Variants in COL18A1 observed in about 807,000 individuals in gnomAD.
COL18A1 encodes collagen alpha-1(XVIII) chain.
Under a neutral mutation model 168.0 loss-of-function variants are expected in COL18A1, and 133 were observed. That is an observed-to-expected ratio of 0.79 (90% confidence interval 0.69 to 0.91). The LOEUF is 0.91. Among genes scored for constraint, COL18A1 ranks in the 40% least tolerant of loss-of-function variants. COL18A1 has a pLI of 0.00. For missense variants in COL18A1, 2,126 were observed against 1,925.4 expected (o/e 1.10, Z -1.95); for synonymous variants, 949 against 809.0 (o/e 1.17, Z -2.94).
rs144281842 is a variant in COL18A1 at position 45,468,631 on chromosome 21, G to A, written c.496G>A (p.Ala166Thr). 3,841 of 1,614,044 alleles carry A rather than the reference G, an allele frequency of 2.4e-3. 5 individuals carry two copies. Among genetic ancestry groups the A allele is most frequent in the Non-Finnish European group, 3.0e-3 (3,582 of 1,180,036 alleles). ...CTTCGTCGGCCAGTGGACACACTTA[G>A]CCCTCAGTGTGGCAGGTGGCTTTGT... ...PAFVGQWTHL[A>T]LSVAGGFVAL... is the part of the protein sequence containing the mutation. The change falls in exon 3 of 42, where the codon GCC (alanine) becomes ACC (threonine). Residue 166 changes from alanine to threonine, a missense_variant. Transcript: ENST00000651438.
intron 2 of COL18A1, among the ~76,000 whole-genome samples, chr21:45,410,432 A>C (rs2033255459): frequency 6.8e-6 from 1 of 147,764 alleles, no homozygotes; most frequent in Non-Finnish European, 1.5e-5. Context: ...TCAAGGGCTG[A>C]CCCTGCGGGG....
rs151319760 is a variant in COL18A1 at position 45,482,299 on chromosome 21, G to A, written c.1674+274G>A. ...CTGAGATCTTACTCCAAGCTTCCACGTTGGTTACGGGGCAGTGGCCATGAG... is the reference window on the plus strand; with the variant it reads ...CTGAGATCTTACTCCAAGCTTCCACATTGGTTACGGGGCAGTGGCCATGAG... On this transcript the variant is annotated intron_variant, in intron 14 of 41. Transcript: ENST00000651438. The A allele has an allele frequency of 3.7e-4, 243 of 663,714 alleles. 2 individuals carry two copies. The East Asian group carries it at 5.9e-3, about 16-fold the overall frequency. 41.1% of individuals were successfully genotyped at this position (663,714 alleles called of 1,614,324 possible).
At chr21:45,509,242 C>T (rs2146118292) in intron 38 of COL18A1, 114 bp from the exon 39 acceptor site, 1 of 1,423,174 alleles carries the variant, frequency 7.0e-7, no homozygotes, top group Non-Finnish European at 9.4e-7. Flanking sequence ...GCGCAGCTCC[C>T]TGCTTGCCAG....
rs1461211805 is a variant in COL18A1, at chr21:45,498,740, A to C, written c.2683+1079A>C. ...AATGATGCACAGATGACCAGAAACC[A>C]GGAGAAGAGGCCAGTGACACACCAG... is the stretch of plus-strand genomic sequence containing the variant. On this transcript the variant is annotated intron_variant, in intron 32 of 41. Coordinates refer to ENST00000651438, the MANE Select transcript of COL18A1 (RefSeq NM_001379500.1). This position sits in a 1 kb window ranked among gnomAD's most constrained non-coding sequence, Gnocchi z 4.5. 1 of 611,210 alleles carries C rather than the reference A, an allele frequency of 1.6e-6. No homozygotes were observed. Among genetic ancestry groups the C allele is most frequent in the East Asian group, 2.7e-5 (1 of 36,466 alleles). 37.9% of individuals were successfully genotyped at this position (611,210 alleles called of 1,614,324 possible).
chr21:45,410,421 G>A lies in COL18A1; in HGVS notation c.106+4948G>A, dbSNP rs976930964. On this transcript the variant is annotated intron_variant, in intron 2 of 41. Coordinates refer to ENST00000651438, the MANE Select transcript of COL18A1 (RefSeq NM_001379500.1). The stretch of plus-strand genomic sequence containing the variant: ...TGCTGGGGCCGGGCACTGGTGGGGG[G>A]TCAAGGGCTGACCCTGCGGGGACCC... Among the ~76,000 whole-genome samples the A allele has an allele frequency of 1.7e-4, 4 of 23,586 alleles. No homozygotes were observed. In the South Asian group the frequency reaches 0.01, roughly 59 times the overall value. 15.5% of individuals were successfully genotyped at this position (23,586 alleles called of 152,430 possible).
At chr21:45,418,825 C>T (rs2033533212) in intron 2 of COL18A1, among the ~76,000 whole-genome samples, 1 of 150,244 alleles carries the variant, frequency 6.7e-6, no homozygotes, top group Non-Finnish European at 1.5e-5. Context: ...CCTCCTGTGC[C>T]TGCGGCCCTG....
At chr21:45,405,707 G>A (rs1045781902) in intron 2 of COL18A1, among the ~76,000 whole-genome samples, 3 of 149,916 alleles carry the variant, frequency 2.0e-5, no homozygotes, top group African/African-American at 7.3e-5. Flanking sequence ...CGGTGCGAGC[G>A]GCCGGAGTCC....
chr21:45,437,655 C>T (rs1422236279), intron 2 of COL18A1, among the ~76,000 whole-genome samples: 2 of 63,344 alleles, frequency 3.2e-5, no homozygotes, highest in African/African-American at 1.8e-4. Flanking sequence ...CTCTCCTGCA[C>T]ACACACACAC....
In COL18A1 at chr21:45,509,584, C is replaced by G. The variant is rs1198296938; in HGVS notation, c.3478C>G (p.Arg1160Gly). The G allele has an allele frequency of 6.6e-7, 1 of 1,518,640 alleles. No individual in the cohort carries two copies. Among genetic ancestry groups the G allele is most frequent in the Non-Finnish European group, 8.8e-7 (1 of 1,131,712 alleles). 94.1% of individuals were successfully genotyped at this position (1,518,640 alleles called of 1,614,324 possible). The change falls in exon 39 of 42, where the codon CGC becomes GGC. Residue 1160 changes from arginine (R) to glycine (G), a missense_variant. Arg to Gly is a moderately radical substitution (Grantham distance 125). Transcript: ENST00000651438. ...CACAAGCCCACCCGCCCACAGCCAC[C>G]GCGACTTCCAGCCGGTGGTGAGTGC... is the stretch of plus-strand genomic sequence containing the variant. Reference protein sequence around the residue: ...RPTSPPAHSHRDFQPVLHLVA... With the variant: ...RPTSPPAHSHGDFQPVLHLVA...
chr21:45,405,576 T>C (rs1602318022), intron 2 of COL18A1, 103 bp downstream of exon 2: 2 of 693,674 alleles, frequency 2.9e-6, no homozygotes, highest in Non-Finnish European at 3.9e-6. Flanking sequence ...CCGGCCGCTC[T>C]GGGTTCAGCC....
Position 45,505,417 on chromosome 21 carries a change from G to A in COL18A1, c.3073G>A (p.Gly1025Ser), listed in dbSNP as rs766721579. ...PGPPGPPGTMGASSGVRLWAT... is the reference protein window; with the variant it reads ...PGPPGPPGTMSASSGVRLWAT... ...GCCCCCTGGGCCCCCTGGAACCATG[G>A]GCGCCTCCTCAGGGGTAAGTGTCTG... The change falls in exon 36 of 42, where the codon GGC becomes AGC. Residue 1025 changes from glycine (G) to serine (S), a missense_variant. By Grantham distance (56) the Gly-to-Ser change is moderately conservative (BLOSUM62 0). Transcript: ENST00000651438. 197 of 1,563,696 alleles carry A rather than the reference G, an allele frequency of 1.3e-4. No individual in the cohort carries two copies. The highest frequency in any genetic ancestry group is 1.6e-4 in the Non-Finnish European group (186 of 1,143,688).
At chr21:45,507,855 G>A (rs577729919) in intron 38 of COL18A1, among the ~76,000 whole-genome samples, 125 of 152,308 alleles carry the variant, frequency 8.2e-4, no homozygotes, top group African/African-American at 2.4e-3. Context: ...TGTGTCTGCC[G>A]CTCATTGCCC....
intron 18 of COL18A1, 59 bp downstream of exon 18, chr21:45,488,503 T>C (rs2036192574): frequency 1.2e-6 from 2 of 1,612,550 alleles, no homozygotes; most frequent in Non-Finnish European, 1.7e-6. Context: ...TCTCGACATC[T>C]TGGGGCTGGG....
rs2146163459 is a variant in COL18A1, at chr21:45,513,096, A to C, written c.*698A>C. 6.5e-6 allele frequency: 1 copy of C among 154,610 alleles called. No individual in the cohort carries two copies. Among genetic ancestry groups the C allele is most frequent in the Admixed American group, 6.4e-5 (1 of 15,740 alleles). 9.6% of individuals were successfully genotyped at this position (154,610 alleles called of 1,614,324 possible). A position where few individuals can be genotyped will look rare whatever the true frequency, so the allele number is the denominator to read the frequency against. ...GCTGGCCTCCCAAATGAGCCATGAG[A>C]TGATACATCCAAAGCAGACAGCTCC... On this transcript the variant is annotated 3_prime_UTR_variant, in exon 42 of 42. Transcript: ENST00000651438.
intron 41 of COL18A1, among the ~76,000 whole-genome samples, 177 bp from the exon 42 acceptor site, chr21:45,512,011 C>T (rs953494137): frequency 6.6e-6 from 1 of 152,128 alleles, no homozygotes; most frequent in African/African-American, 2.4e-5. Flanking sequence ...GGAGATGCAG[C>T]CCCCTCCACA....
Position 45,480,752 on chromosome 21 carries a change from C to T in COL18A1, c.1505C>T (p.Pro502Leu). 6.2e-7 allele frequency: 1 copy of T among 1,610,826 alleles called. No individual in the cohort carries two copies. Among genetic ancestry groups the T allele is most frequent in the East Asian group, 2.2e-5 (1 of 44,860 alleles). ...GGACCCCCCGGTGTCCCAGGCCTGC[C>T]CGGCGAGCCAGGCCGCTTTGGGGTG... Reference protein sequence around the residue: ...PPGPPGVPGLPGEPGRFGVNS... With the variant: ...PPGPPGVPGLLGEPGRFGVNS... Residue 502 changes from proline (P) to leucine (L), a missense_variant, in exon 13 of 42, where the codon CCC becomes CTC. Transcript: ENST00000651438.
At chr21:45,456,133 C>G in intron 2 of COL18A1, 1 of 1,583,738 alleles carries the variant, frequency 6.3e-7, no homozygotes, top group Non-Finnish European at 8.6e-7. Context: ...TGGGCAGGCC[C>G]TGGGCACCAC....
intron 29 of COL18A1, 175 bp downstream of exon 29, chr21:45,495,607 C>T (rs74406578): frequency 1.3e-5 from 8 of 637,488 alleles, no homozygotes; most frequent in South Asian, 3.4e-5. Context: ...TGTCCACACA[C>T]GCACACGTGT....
chr21:45,494,432 A>C, intron 26 of COL18A1, 113 bp from the exon 27 acceptor site: 1 of 1,488,484 alleles, frequency 6.7e-7, no homozygotes, highest in Non-Finnish European at 9.3e-7. Context: ...GGAGGCTATC[A>C]GGTGGGGCAC....
Sources: allele counts gnomAD v4.1 joint callset (sites outside exome capture counted in the v4.1 genomes callset), GRCh38; gene constraint gnomAD v4.1.1; non-coding constraint Gnocchi (gnomAD v3.1); transcripts MANE v1.5; gene names NCBI Gene and HGNC (gene_info 2026-07-23, HGNC 2026-07-21).